KCNG2: variants seen among roughly 807,000 people sequenced by gnomAD.
KCNG2 encodes the protein potassium voltage-gated channel modifier subfamily G member 2.
Under a neutral mutation model 12.3 loss-of-function variants are expected in KCNG2, and 7 were observed. The ratio of observed to expected loss-of-function variants is 0.57; its 90% CI spans 0.32 to 1.07. The LOEUF is 1.07. Among genes scored for constraint, KCNG2 ranks in the 50% least tolerant of loss-of-function variants. The pLI is 0.04. For missense variants in KCNG2, 703 were observed against 726.0 expected, an observed-to-expected ratio of 0.97 and a Z score of 0.36; for synonymous variants, 414 against 351.4, an observed-to-expected ratio of 1.18 and a Z score of -1.99.
At chr18:79,806,535 G>C (rs6650631) in intron 1 of KCNG2, among the ~76,000 whole-genome samples, 53,338 of 152,048 alleles carry the variant, frequency 0.35, 9,852 homozygotes, top group South Asian at 0.47. Context: ...AAATGCTTCA[G>C]TTAACTCCAG....
chr18:79,885,042 C>T (rs1980470625), intron 3 of KCNG2, among the ~76,000 whole-genome samples: 1 of 152,158 alleles, frequency 6.6e-6, no homozygotes, highest in Admixed American at 6.5e-5. Flanking sequence ...AGTCCCCATC[C>T]CTTGAACCTG....
At chr18:79,895,275 T>C (rs1464119852) in intron 3 of KCNG2, among the ~76,000 whole-genome samples, 1 of 152,052 alleles carries the variant, frequency 6.6e-6, no homozygotes, top group Non-Finnish European at 1.5e-5. Flanking sequence ...TAGTTGGGTC[T>C]GTTTCTGCTT....
At chr18:79,836,156 A>G (rs1035472651) in intron 1 of KCNG2, among the ~76,000 whole-genome samples, 4 of 152,246 alleles carry the variant, frequency 2.6e-5, no homozygotes, top group African/African-American at 9.6e-5. Context: ...ATAACAATAT[A>G]GGCAGGTTGA....
At chr18:79,832,198 C>T (rs1178996556) in intron 1 of KCNG2, among the ~76,000 whole-genome samples, 4 of 151,778 alleles carry the variant, frequency 2.6e-5, no homozygotes, top group Non-Finnish European at 5.9e-5. Context: ...TCTCACCCCT[C>T]CTTCCTCACC....
At chr18:79,863,133 C>T (rs1422460503) in intron 2 of KCNG2, among the ~76,000 whole-genome samples, 1 of 152,220 alleles carries the variant, frequency 6.6e-6, no homozygotes, top group Non-Finnish European at 1.5e-5. Context: ...GCAGTTTCTC[C>T]GCCTCACAGA....
intron 1 of KCNG2, among the ~76,000 whole-genome samples, chr18:79,836,722 G>A (rs547749426): frequency 1.3e-5 from 2 of 152,280 alleles, no homozygotes; most frequent in East Asian, 3.9e-4. Flanking sequence ...TGAAGGGGAA[G>A]TGCCACACTT....
In KCNG2 at chr18:79,834,603, G is replaced by T. The variant is rs1425275349; in HGVS notation, c.-114-21776G>T. Among the ~76,000 whole-genome samples, 8 of 152,202 alleles carry T rather than the reference G, an allele frequency of 5.3e-5. No individual in the cohort carries two copies. In the East Asian group the frequency reaches 1.2e-3, roughly 22 times the overall value. The stretch of plus-strand genomic sequence containing the variant: ...TACTCAAACAAACAAACAAACAGCT[G>T]GTGGGGATGTGGGGTTTAAAAGGAA... On this transcript the variant is annotated intron_variant, in intron 1 of 3. Transcript: ENST00000316249.
chr18:79,807,796 A>G (rs2087462672), intron 1 of KCNG2, among the ~76,000 whole-genome samples: 1 of 147,780 alleles, frequency 6.8e-6, no homozygotes, highest in African/African-American at 2.5e-5. Context: ...CGCTGACCAC[A>G]CTCCACGTTA....
At chr18:79,814,910 C>CT (rs11392136) in intron 1 of KCNG2, among the ~76,000 whole-genome samples, 75,189 of 142,776 alleles carry the variant, frequency 0.53, 19,334 homozygotes, top group African/African-American at 0.54. Flanking sequence ...ACCCTGTGTG[C>CT]TTTTTTTTTT....
chr18:79,829,206 CTATG>C (rs945918390), intron 1 of KCNG2, among the ~76,000 whole-genome samples: 16 of 143,002 alleles, frequency 1.1e-4, no homozygotes, highest in African/African-American at 3.7e-4. Flanking sequence ...GTGTGGGTGT[CTATG>C]TGTGCATGTG....
chr18:79,820,557 A>T (rs1441672091), intron 1 of KCNG2, among the ~76,000 whole-genome samples: 2 of 152,056 alleles, frequency 1.3e-5, no homozygotes, highest in Non-Finnish European at 2.9e-5. Flanking sequence ...GCATCTTTTC[A>T]TCTGCTTGCC....
At chr18:79,851,613 TGA>T (rs558885787) in intron 1 of KCNG2, among the ~76,000 whole-genome samples, 82 of 135,906 alleles carry the variant, frequency 6.0e-4, no homozygotes, top group African/African-American at 1.9e-3. Context: ...TGCGGGTGTG[TGA>T]GAGTGTGTGT....
intron 1 of KCNG2, among the ~76,000 whole-genome samples, chr18:79,837,810 C>G (rs933331531): frequency 6.6e-6 from 1 of 152,178 alleles, no homozygotes; most frequent in Non-Finnish European, 1.5e-5. Context: ...TGCCCTTTAC[C>G]CAGTTCCAAA....
At chr18:79,873,777 T>C (rs1247091876) in intron 3 of KCNG2, among the ~76,000 whole-genome samples, 3 of 152,212 alleles carry the variant, frequency 2.0e-5, no homozygotes, top group African/African-American at 7.2e-5. Flanking sequence ...AGTGTCCGCC[T>C]AGCTGCCTCA....
chr18:79,831,600 C>T (rs1212384956), intron 1 of KCNG2, among the ~76,000 whole-genome samples: 1 of 130,836 alleles, frequency 7.6e-6, no homozygotes, highest in African/African-American at 2.8e-5. Context: ...GCGTACAGAG[C>T]CTTCGTCAGG....
At chr18:79,842,106 C>T (rs898792600) in intron 1 of KCNG2, among the ~76,000 whole-genome samples, 2 of 152,176 alleles carry the variant, frequency 1.3e-5, no homozygotes, top group African/African-American at 4.8e-5. Flanking sequence ...CCAGGCAAGT[C>T]CTCGCAGCCA....
At chr18:79,826,414 T>C (rs888657038) in intron 1 of KCNG2, among the ~76,000 whole-genome samples, 1 of 152,218 alleles carries the variant, frequency 6.6e-6, no homozygotes, top group African/African-American at 2.4e-5. Flanking sequence ...GCTTCACAAC[T>C]GAGCGAGCAG....
Position 79,864,241 on chromosome 18 carries a change from G to C in KCNG2, c.574G>C (p.Val192Leu). 6.4e-7 allele frequency: 1 copy of C among 1,552,634 alleles called. No homozygotes were observed. Among genetic ancestry groups the C allele is most frequent in the Non-Finnish European group, 8.7e-7 (1 of 1,154,084 alleles). ...VSVSFVAVTA[V>L]GLCLSTMPDI... ...CGTGTCCTTCGTGGCCGTCACGGCC[G>C]TGGGCCTCTGCCTGAGCACCATGCC... Residue 192 changes from valine to leucine, a missense_variant, in exon 3 of 4, where the codon GTG becomes CTG. Val to Leu is a conservative substitution (Grantham distance 32). Transcript: ENST00000316249.
intron 2 of KCNG2, among the ~76,000 whole-genome samples, chr18:79,857,285 G>A (rs1487261207): frequency 6.6e-6 from 1 of 150,472 alleles, no homozygotes; most frequent in Non-Finnish European, 1.5e-5. Flanking sequence ...TGGCGCTGAA[G>A]GTCACAGCAC....
Sources: allele counts gnomAD v4.1 joint callset (sites outside exome capture counted in the v4.1 genomes callset), GRCh38; gene constraint gnomAD v4.1.1; transcripts MANE v1.5; gene names NCBI Gene and HGNC (gene_info 2026-07-23, HGNC 2026-07-21).